The following SV2C variants were observed in gnomAD, a reference collection of about 807,000 sequenced individuals.
The protein encoded by SV2C is synaptic vesicle glycoprotein 2C, also known as solute carrier family 22 member B3.
In SV2C, 49 loss-of-function variants were observed where a neutral mutation model predicts 79.7. The observed-to-expected ratio is 0.61, with a 90% CI of 0.49 to 0.78. The LOEUF (loss-of-function observed/expected upper bound fraction) is 0.78, where lower values mean the gene tolerates loss of function less well. Among genes scored for constraint, SV2C ranks in the 30% least tolerant of loss-of-function variants. The probability of loss-of-function intolerance (pLI) is 0.00; values close to 1 mark genes in which losing one functional copy is unlikely to be tolerated. For synonymous variants in SV2C, 334 were observed against 333.2 expected (o/e 1.00, Z -0.03); for missense variants, 833 against 912.9 (o/e 0.91, Z 1.13).
intron 4 of SV2C, among the ~76,000 whole-genome samples, chr5:76,238,156 C>T (rs1054792757): frequency 8.6e-5 from 13 of 151,996 alleles, no homozygotes; most frequent in African/African-American, 3.1e-4. Flanking sequence ...GATCCATTTT[C>T]TAATATTTTG....
the SV2C span, among the ~76,000 whole-genome samples, chr5:76,016,509 G>A: frequency 6.6e-6 from 1 of 152,118 alleles, no homozygotes; most frequent in African/African-American, 2.4e-5. Context: ...TATAGATTCA[G>A]ATATTGAACT....
the SV2C span, among the ~76,000 whole-genome samples, chr5:76,069,878 C>T: frequency 0.012 from 1,797 of 151,108 alleles, 41 homozygotes; most frequent in African/African-American, 0.041. Flanking sequence ...ACACACACAC[C>T]CTTTCGTGGC....
chr5:75,898,651 TC>T, the SV2C span, among the ~76,000 whole-genome samples: 1 of 152,304 alleles, frequency 6.6e-6, no homozygotes, highest in Middle Eastern at 3.4e-3. Flanking sequence ...TGGTACCAGT[TC>T]CTCCTTGTAC....
At chr5:75,970,145 A>T in the SV2C span, among the ~76,000 whole-genome samples, 4 of 152,152 alleles carry the variant, frequency 2.6e-5, no homozygotes, top group Admixed American at 1.3e-4. Context: ...GATACAACAT[A>T]CCAGAATCTC....
intron 4 of SV2C, among the ~76,000 whole-genome samples, chr5:76,216,390 C>T (rs994345867): frequency 6.6e-6 from 1 of 152,122 alleles, no homozygotes; most frequent in East Asian, 1.9e-4. Flanking sequence ...ATCTGTGTCT[C>T]CCCCATGGCA....
chr5:76,137,116 G>A (rs1178486160), intron 2 of SV2C, among the ~76,000 whole-genome samples: 1 of 152,138 alleles, frequency 6.6e-6, no homozygotes, highest in Non-Finnish European at 1.5e-5. Flanking sequence ...CTGTACGTTG[G>A]CAATAAGAAT....
the SV2C span, among the ~76,000 whole-genome samples, chr5:75,946,091 A>T: frequency 6.6e-6 from 1 of 152,124 alleles, no homozygotes; most frequent in East Asian, 1.9e-4. Context: ...ACAAACAATA[A>T]AATCAATGAA....
chr5:76,133,051 A>G (rs943812336), intron 2 of SV2C, among the ~76,000 whole-genome samples: 4 of 152,098 alleles, frequency 2.6e-5, no homozygotes, highest in African/African-American at 9.7e-5. Context: ...TTTGTTTTGA[A>G]GTTACCATGG....
chr5:76,199,133 T>G (rs1439611940), intron 3 of SV2C, among the ~76,000 whole-genome samples: 1 of 150,622 alleles, frequency 6.6e-6, no homozygotes, highest in Non-Finnish European at 1.5e-5. Flanking sequence ...CAGCTGAAGT[T>G]TTATATATTC....
At chr5:76,073,090 T>C in the SV2C span, among the ~76,000 whole-genome samples, 16 of 152,362 alleles carry the variant, frequency 1.1e-4, no homozygotes, top group African/African-American at 3.6e-4. Flanking sequence ...AGAAGCTTTA[T>C]AGTTTAAGTC....
chr5:75,963,581 A>G, the SV2C span, among the ~76,000 whole-genome samples: 1 of 152,000 alleles, frequency 6.6e-6, no homozygotes, highest in South Asian at 2.1e-4. Context: ...GGAAGCTTTT[A>G]TATATTTTTT....
At chr5:76,351,969 T>C (rs1240376055) in intron 12 of SV2C, among the ~76,000 whole-genome samples, 2 of 152,184 alleles carry the variant, frequency 1.3e-5, no homozygotes, top group African/African-American at 4.8e-5. Flanking sequence ...TCTCAACATT[T>C]TGGGAGTCCA....
In SV2C at chr5:76,099,714, A is replaced by G. The variant is rs181662649; in HGVS notation, c.-102+16202A>G. ...CTTAGCCTGTAGGACATTTGGGTTTATGTTCAAGGTAGTTCAGCTTAACCT... is the reference window on the plus strand; with the variant it reads ...CTTAGCCTGTAGGACATTTGGGTTTGTGTTCAAGGTAGTTCAGCTTAACCT... On this transcript the variant is annotated intron_variant, in intron 1 of 12. Transcript: ENST00000502798. 2.6e-5 allele frequency among the ~76,000 whole-genome samples: 4 copies of G among 152,306 alleles called. No individual in the cohort carries two copies. The East Asian group carries it at 7.7e-4, about 29-fold the overall frequency.
At chr5:76,230,368 G>C (rs887253627) in intron 4 of SV2C, among the ~76,000 whole-genome samples, 3 of 152,166 alleles carry the variant, frequency 2.0e-5, no homozygotes, top group African/African-American at 4.8e-5. Context: ...GTGGTACCAT[G>C]ATATGGTCAT....
At chr5:76,324,035 A>G (rs1748910173) in intron 12 of SV2C, among the ~76,000 whole-genome samples, 1 of 152,236 alleles carries the variant, frequency 6.6e-6, no homozygotes, top group Non-Finnish European at 1.5e-5. Flanking sequence ...AATAAAAAAT[A>G]AAACACTTAG....
chr5:76,042,776 C>T, the SV2C span, among the ~76,000 whole-genome samples: 8 of 152,208 alleles, frequency 5.3e-5, no homozygotes, highest in African/African-American at 1.7e-4. Flanking sequence ...CAAGCCCTAC[C>T]TCAGTACTCA....
At chr5:75,884,884 G>A in the SV2C span, among the ~76,000 whole-genome samples, 1 of 152,032 alleles carries the variant, frequency 6.6e-6, no homozygotes, top group African/African-American at 2.4e-5. Context: ...ATTCTAGTGT[G>A]CAAAAATACT....
the SV2C span, among the ~76,000 whole-genome samples, chr5:75,898,719 G>A: frequency 3.3e-5 from 5 of 152,126 alleles, no homozygotes; most frequent in African/African-American, 1.2e-4. Context: ...TGGTTGGTAA[G>A]CTATTGATTA....
At chr5:75,937,172 C>T in the SV2C span, among the ~76,000 whole-genome samples, 1 of 152,114 alleles carries the variant, frequency 6.6e-6, no homozygotes, top group Admixed American at 6.5e-5. Context: ...ACAGCTTAAA[C>T]AATAATTACC....
Sources: gnomAD v4.1 joint callset for allele counts (sites outside exome capture counted in the v4.1 genomes callset) on GRCh38, gnomAD v4.1.1 for gene constraint, MANE v1.5 for transcripts, NCBI Gene and HGNC (gene_info 2026-07-23, HGNC 2026-07-21) for gene names.